SLC27A6: variants seen among roughly 807,000 people sequenced by gnomAD.
SLC27A6 encodes solute carrier family 27 member 6, also known as long-chain fatty acid transport protein 6.
A neutral mutation model predicts 63.9 loss-of-function variants in SLC27A6; 74 were observed. That is an observed-to-expected ratio of 1.16 (90% CI 0.96 to 1.40). The LOEUF is 1.40. SLC27A6 is among the 40% of genes most tolerant of loss of function. The pLI is 0.00. For synonymous variants in SLC27A6, 287 were observed against 260.8 expected (o/e 1.10, Z -0.97); for missense variants, 794 against 732.9 (o/e 1.08, Z -0.96).
intron 4 of SLC27A6, among the ~76,000 whole-genome samples, chr5:128,991,491 CTG>C (rs1427149699): frequency 6.6e-6 from 1 of 152,166 alleles, no homozygotes; most frequent in Non-Finnish European, 1.5e-5. Context: ...GACCCAAAGA[CTG>C]TGTTTAGACT....
chr5:128,990,612 C>G (rs1750946537), intron 4 of SLC27A6, 148 bp downstream of exon 4: 1 of 838,382 alleles, frequency 1.2e-6, no homozygotes, highest in Non-Finnish European at 1.8e-6. Flanking sequence ...CAGGTGCTAC[C>G]TAGATGGTGG....
At chr5:129,013,751 A>T (rs1340596905) in intron 4 of SLC27A6, among the ~76,000 whole-genome samples, 1 of 152,114 alleles carries the variant, frequency 6.6e-6, no homozygotes, top group Non-Finnish European at 1.5e-5. Flanking sequence ...TCTCTTCAGA[A>T]TTGCCTCTTC....
intron 5 of SLC27A6, among the ~76,000 whole-genome samples, chr5:129,022,920 T>C (rs945306788): frequency 6.6e-6 from 1 of 152,016 alleles, no homozygotes; most frequent in Non-Finnish European, 1.5e-5. Context: ...GCCTGCATGA[T>C]GTGATAATAT....
chr5:128,970,412 A>G (rs2150126355), intron 1 of SLC27A6, among the ~76,000 whole-genome samples: 1 of 152,186 alleles, frequency 6.6e-6, no homozygotes, highest in African/African-American at 2.4e-5. Context: ...TTGGTAGGCT[A>G]TTAATTATTG....
At chr5:128,980,212 C>T (rs1750536182) in intron 1 of SLC27A6, among the ~76,000 whole-genome samples, 1 of 152,174 alleles carries the variant, frequency 6.6e-6, no homozygotes, top group Non-Finnish European at 1.5e-5. Flanking sequence ...GTAGTAATAA[C>T]AACCACCACC....
chr5:128,982,726 C>T (rs770445719), intron 1 of SLC27A6, among the ~76,000 whole-genome samples: 1 of 152,200 alleles, frequency 6.6e-6, no homozygotes, highest in African/African-American at 2.4e-5. Flanking sequence ...CTCCTCCTAT[C>T]ATCCTTGGTG....
chr5:129,014,779 C>T (rs1203102239), intron 4 of SLC27A6, among the ~76,000 whole-genome samples: 1 of 152,160 alleles, frequency 6.6e-6, no homozygotes, highest in Non-Finnish European at 1.5e-5. Context: ...CTTTTTGATG[C>T]TTGCTTGACA....
At chr5:129,005,037 C>T (rs1410409111) in intron 4 of SLC27A6, among the ~76,000 whole-genome samples, 4 of 152,182 alleles carry the variant, frequency 2.6e-5, no homozygotes, top group Non-Finnish European at 5.9e-5. Context: ...TCCATCATGC[C>T]AGGTGGGGGC....
chr5:128,985,145 C>A lies in SLC27A6; in HGVS notation c.494C>A (p.Thr165Lys). ...CTTTGGCTTTTAGATTTGCTTGGAA[C>A]GGTAGAAGAAATCCTTCCAAGCCTC... ...ALVVGADLLGTVEEILPSLSE... is the reference protein window; with the variant it reads ...ALVVGADLLGKVEEILPSLSE... The change falls in exon 2 of 10, where the codon ACG (threonine) becomes AAG (lysine). Residue 165 changes from threonine to lysine, a missense_variant. Transcript: ENST00000262462. 3 of 1,612,862 alleles carry A rather than the reference C, an allele frequency of 1.9e-6. No individual in the cohort carries two copies. The highest frequency in any genetic ancestry group is 1.3e-5 in the African/African-American group (1 of 75,004).
At chr5:128,983,526 C>T (rs1750686691) in intron 1 of SLC27A6, among the ~76,000 whole-genome samples, 1 of 152,040 alleles carries the variant, frequency 6.6e-6, no homozygotes, top group Non-Finnish European at 1.5e-5. Context: ...AACTCCTGAC[C>T]TCAGGTGATC....
chr5:129,006,687 TAAC>T (rs1378596741), intron 4 of SLC27A6, among the ~76,000 whole-genome samples: 2 of 152,168 alleles, frequency 1.3e-5, no homozygotes, highest in Non-Finnish European at 2.9e-5. Flanking sequence ...ATCTGTAAAA[TAAC>T]AACAGTAATT....
chr5:128,965,913 A>C lies in SLC27A6; in HGVS notation c.-225A>C. The C allele has an allele frequency of 2.3e-6, 1 of 427,388 alleles. No homozygotes were observed. Among genetic ancestry groups the C allele is most frequent in the South Asian group, 8.6e-5 (1 of 11,586 alleles). 26.5% of individuals were successfully genotyped at this position (427,388 alleles called of 1,614,324 possible). ...CTGCTTTCCAGCCGCCCAGTGACCC[A>C]AGCTTAATCTTCAGCACCACTTGGG... On this transcript the variant is annotated 5_prime_UTR_variant, in exon 1 of 10. Coordinates refer to ENST00000262462, the MANE Select transcript of SLC27A6 (RefSeq NM_001017372.3).
Position 128,988,716 on chromosome 5 carries a change from A to T in SLC27A6, c.802A>T (p.Ser268Cys). The T allele has an allele frequency of 6.2e-7, 1 of 1,613,666 alleles. No individual in the cohort carries two copies. Residue 268 changes from serine (S) to cysteine (C), a missense_variant, in exon 3 of 10, where the codon AGT becomes TGT. By Grantham distance (112) the Ser-to-Cys change is moderately radical. Coordinates refer to ENST00000262462, the MANE Select transcript of SLC27A6 (RefSeq NM_001017372.3). ...TTATATAACCCTTCCTCTGTATCAT[A>T]GTTCAGCAGCTATCCTGGGAATTTC... ...IVYITLPLYH[S>C]SAAILGISGC...
At chr5:128,990,300 A>C in intron 3 of SLC27A6, 40 bp from the exon 4 acceptor site, 1 of 1,599,130 alleles carries the variant, frequency 6.3e-7, no homozygotes, top group Non-Finnish European at 8.5e-7. Flanking sequence ...TCTGCCTTTG[A>C]ATTTTTTTCC....
intron 4 of SLC27A6, among the ~76,000 whole-genome samples, chr5:129,007,344 T>C (rs1453820323): frequency 6.7e-6 from 1 of 149,956 alleles, no homozygotes; most frequent in East Asian, 2.0e-4. Flanking sequence ...CTTGGGAGGC[T>C]GGAGCAGATA....
intron 1 of SLC27A6, among the ~76,000 whole-genome samples, chr5:128,983,240 G>C (rs1312601348): frequency 6.7e-6 from 1 of 149,976 alleles, no homozygotes; most frequent in African/African-American, 2.5e-5. Context: ...ATTGCTTTAG[G>C]TGTAAAGGTC....
At chr5:129,030,172 C>T (rs970470223) in intron 9 of SLC27A6, among the ~76,000 whole-genome samples, 5 of 151,952 alleles carry the variant, frequency 3.3e-5, no homozygotes, top group Admixed American at 3.3e-4. Flanking sequence ...CCTGGACCTT[C>T]CCCATGTGAG....
At chr5:129,000,124 G>GT (rs1751285975) in intron 4 of SLC27A6, among the ~76,000 whole-genome samples, 2 of 152,204 alleles carry the variant, frequency 1.3e-5, no homozygotes, top group Admixed American at 1.3e-4. Context: ...GGAAAGGATA[G>GT]TGGTGCGGTG....
chr5:128,986,573 A>AT (rs568153182), intron 2 of SLC27A6, among the ~76,000 whole-genome samples: 36 of 151,812 alleles, frequency 2.4e-4, no homozygotes, highest in African/African-American at 6.8e-4. Flanking sequence ...GGAGAATATA[A>AT]TTTTTTTTTA....
Sources: allele counts gnomAD v4.1 joint callset (sites outside exome capture counted in the v4.1 genomes callset), GRCh38; gene constraint gnomAD v4.1.1; transcripts MANE v1.5; gene names NCBI Gene and HGNC (gene_info 2026-07-23, HGNC 2026-07-21).